SLC9C1: variants seen among roughly 807,000 people sequenced by gnomAD.
SLC9C1 encodes sodium/hydrogen exchanger 10.
In SLC9C1, 97 loss-of-function variants were observed where a neutral mutation model predicts 140.9. The observed-to-expected ratio is 0.69, with a 90% CI of 0.58 to 0.82. The LOEUF (loss-of-function observed/expected upper bound fraction) is 0.82. SLC9C1 is among the 40% of genes least tolerant of loss of function. The pLI is 0.00. For missense variants in SLC9C1, 1,340 were observed against 1,389.3 expected (o/e 0.96, Z 0.56); for synonymous variants, 440 against 442.6 (o/e 0.99, Z 0.07).
At chr3:112,268,445 T>C (rs1349862910) in intron 7 of SLC9C1, among the ~76,000 whole-genome samples, 1 of 152,200 alleles carries the variant, frequency 6.6e-6, no homozygotes, top group Non-Finnish European at 1.5e-5. Context: ...TTAATAACTT[T>C]TATAATTTTC....
At chr3:112,226,631 A>T (rs1378933542) in intron 13 of SLC9C1, among the ~76,000 whole-genome samples, 1 of 152,142 alleles carries the variant, frequency 6.6e-6, no homozygotes, top group Non-Finnish European at 1.5e-5. Flanking sequence ...CTGATGTAGG[A>T]GAATTGCTTG....
chr3:112,190,583 T>A (rs1401595451), intron 20 of SLC9C1, among the ~76,000 whole-genome samples: 1 of 152,124 alleles, frequency 6.6e-6, no homozygotes, highest in Non-Finnish European at 1.5e-5. Flanking sequence ...CTGATTTAAT[T>A]GGCAAAAAAA....
At chr3:112,219,135 C>T (rs2078470814) in intron 14 of SLC9C1, among the ~76,000 whole-genome samples, 1 of 152,110 alleles carries the variant, frequency 6.6e-6, no homozygotes, top group South Asian at 2.1e-4. Context: ...ACTATGTGCT[C>T]AAAGTATTAT....
At chr3:112,258,784 A>G (rs2079684899) in intron 10 of SLC9C1, among the ~76,000 whole-genome samples, 1 of 151,980 alleles carries the variant, frequency 6.6e-6, no homozygotes, top group South Asian at 2.1e-4. Flanking sequence ...ATAAAGAAGA[A>G]AGGTTTAATT....
At chr3:112,236,594 T>C (rs2078993579) in intron 12 of SLC9C1, among the ~76,000 whole-genome samples, 1 of 152,250 alleles carries the variant, frequency 6.6e-6, no homozygotes, top group East Asian at 1.9e-4. Flanking sequence ...CTGCTTTCTC[T>C]TGTGGGCATT....
At chr3:112,281,715 C>T (rs13082509) in intron 2 of SLC9C1, among the ~76,000 whole-genome samples, 88,325 of 152,018 alleles carry the variant, frequency 0.58, 26,275 homozygotes, top group East Asian at 0.79. Flanking sequence ...AGGATCTAGT[C>T]TGAAGCATTA....
In SLC9C1 at chr3:112,179,613, A is replaced by C; in HGVS notation, c.2837T>G (p.Leu946Arg). The change falls in exon 23 of 29, where the codon CTC becomes CGC. Residue 946 changes from leucine (L) to arginine (R), a missense_variant. Coordinates refer to ENST00000305815, the MANE Select transcript of SLC9C1 (RefSeq NM_183061.3). ...DFPIIDTDYM[L>R]SGEIIGEINC... ...TATCTCTCCTATTATTTCTCCACTGAGCATATAGTCTGTGTCAATTATCGG... is the reference window on the plus strand; with the variant it reads ...TATCTCTCCTATTATTTCTCCACTGCGCATATAGTCTGTGTCAATTATCGG... 6.2e-7 allele frequency: 1 copy of C among 1,612,106 alleles called. No individual in the cohort carries two copies. The highest frequency in any genetic ancestry group is 8.5e-7 in the Non-Finnish European group (1 of 1,179,196).
intron 27 of SLC9C1, 40 bp from the exon 28 acceptor site, chr3:112,152,003 G>A: frequency 6.6e-7 from 1 of 1,509,378 alleles, no homozygotes; most frequent in Non-Finnish European, 8.9e-7. Context: ...GTCATGATAG[G>A]CCTTTTGAAG....
chr3:112,194,306 G>A (rs991256449), intron 20 of SLC9C1, among the ~76,000 whole-genome samples: 1 of 152,136 alleles, frequency 6.6e-6, no homozygotes, highest in African/African-American at 2.4e-5. Flanking sequence ...CTGACTCCAG[G>A]CCAATATGCG....
intron 20 of SLC9C1, among the ~76,000 whole-genome samples, chr3:112,184,732 C>A (rs534468546): frequency 7.2e-5 from 11 of 152,336 alleles, no homozygotes; most frequent in Middle Eastern, 3.4e-3. Flanking sequence ...GTCCACTAAC[C>A]ACAAGCATGG....
intron 17 of SLC9C1, 139 bp from the exon 18 acceptor site, chr3:112,202,538 G>A: frequency 6.3e-6 from 5 of 788,610 alleles, no homozygotes; most frequent in Non-Finnish European, 9.4e-6. Flanking sequence ...AAGGTTCTTT[G>A]TTATTTTTTT....
At chr3:112,249,299 C>T (rs1043901462) in intron 10 of SLC9C1, among the ~76,000 whole-genome samples, 1 of 150,968 alleles carries the variant, frequency 6.6e-6, no homozygotes, top group Non-Finnish European at 1.5e-5. Context: ...AGGATAAAGC[C>T]TACTAGATCA....
intron 20 of SLC9C1, among the ~76,000 whole-genome samples, chr3:112,184,596 A>G (rs1479098244): frequency 1.3e-5 from 2 of 152,232 alleles, no homozygotes; most frequent in Non-Finnish European, 2.9e-5. Flanking sequence ...AAATCTTGCT[A>G]CTGCATTCCA....
chr3:112,201,495 G>C (rs1236541059), intron 18 of SLC9C1, among the ~76,000 whole-genome samples: 2 of 152,002 alleles, frequency 1.3e-5, no homozygotes, highest in Non-Finnish European at 2.9e-5. Flanking sequence ...CAATGACAAA[G>C]TTTTGGGCAC....
At chr3:112,271,563 G>A (rs975877549) in intron 6 of SLC9C1, among the ~76,000 whole-genome samples, 3 of 151,894 alleles carry the variant, frequency 2.0e-5, no homozygotes, top group African/African-American at 4.8e-5. Flanking sequence ...TAAAAGCCAC[G>A]CTTAAGTTTG....
At chr3:112,262,211 G>T (rs567621849) in intron 10 of SLC9C1, among the ~76,000 whole-genome samples, 1 of 152,082 alleles carries the variant, frequency 6.6e-6, no homozygotes, top group South Asian at 2.1e-4. Context: ...GAATATTTGG[G>T]CTTGTAGAAA....
chr3:112,168,097 CTTA>C (rs1376717576), intron 25 of SLC9C1, among the ~76,000 whole-genome samples: 8 of 152,126 alleles, frequency 5.3e-5, no homozygotes, highest in Non-Finnish European at 1.5e-5. Flanking sequence ...TGTAAAACAT[CTTA>C]TTAATATCTT....
intron 13 of SLC9C1, among the ~76,000 whole-genome samples, 158 bp downstream of exon 13, chr3:112,231,193 CTCTTTCTTTT>C (rs2078816979): frequency 6.6e-6 from 1 of 150,454 alleles, no homozygotes; most frequent in African/African-American, 2.5e-5. Flanking sequence ...TTTCCTCTCT[CTCTTTCTTTT>C]TCTTTCCAAT....
intron 7 of SLC9C1, among the ~76,000 whole-genome samples, chr3:112,269,682 T>C (rs536623370): frequency 5.3e-5 from 8 of 152,262 alleles, no homozygotes; most frequent in East Asian, 3.9e-4. Context: ...TCTGTAATGA[T>C]AGTTTTGTCA....
Sources: gnomAD v4.1 joint callset for allele counts (sites outside exome capture counted in the v4.1 genomes callset) on GRCh38, gnomAD v4.1.1 for gene constraint, MANE v1.5 for transcripts, NCBI Gene and HGNC (gene_info 2026-07-23, HGNC 2026-07-21) for gene names.